The following MYO3B variants were observed in gnomAD, a reference collection of about 807,000 sequenced individuals.
MYO3B encodes the protein myosin-IIIb.
In MYO3B, 156 loss-of-function variants were observed where a neutral mutation model predicts 174.6. The observed-to-expected ratio is 0.89, with a 90% CI of 0.78 to 1.02. The LOEUF (loss-of-function observed/expected upper bound fraction) is 1.02, where lower values mean the gene tolerates loss of function less well. Ranked by LOEUF, MYO3B falls within the 50% of genes least tolerant of loss-of-function variation. The pLI is 0.00. For missense variants in MYO3B, 1,632 were observed against 1,639.4 expected (o/e 1.00, Z 0.08); for synonymous variants, 563 against 569.1 (o/e 0.99, Z 0.15).
At chr2:170,552,664 C>T (rs980402029) in intron 32 of MYO3B, among the ~76,000 whole-genome samples, 2 of 152,136 alleles carry the variant, frequency 1.3e-5, no homozygotes, top group Admixed American at 1.3e-4. Flanking sequence ...TAAAGAAAAA[C>T]ACATTTTCTG....
At chr2:170,202,008 G>A (rs577721461) in intron 3 of MYO3B, among the ~76,000 whole-genome samples, 1 of 152,280 alleles carries the variant, frequency 6.6e-6, no homozygotes, top group Non-Finnish European at 1.5e-5. Context: ...ATGCAACCAG[G>A]CAGGCAGGTG....
intron 22 of MYO3B, among the ~76,000 whole-genome samples, chr2:170,424,542 G>C (rs2094645655): frequency 6.6e-6 from 1 of 152,096 alleles, no homozygotes; most frequent in Non-Finnish European, 1.5e-5. Flanking sequence ...GCTTGAACCA[G>C]GGAGGTGGAG....
At chr2:170,273,374 A>T (rs1261465926) in intron 7 of MYO3B, among the ~76,000 whole-genome samples, 1 of 152,034 alleles carries the variant, frequency 6.6e-6, no homozygotes, top group Non-Finnish European at 1.5e-5. Context: ...ATAAGTCTAG[A>T]ATCCTCCTCT....
chr2:170,481,265 A>G (rs1323423982), intron 25 of MYO3B, among the ~76,000 whole-genome samples: 1 of 152,226 alleles, frequency 6.6e-6, no homozygotes, highest in Non-Finnish European at 1.5e-5. Flanking sequence ...CAGGTAAGCT[A>G]GTACATCTGC....
chr2:170,565,535 C>T (rs984459364), intron 32 of MYO3B, among the ~76,000 whole-genome samples: 2 of 152,162 alleles, frequency 1.3e-5, no homozygotes, highest in South Asian at 4.1e-4. Flanking sequence ...GGTTTTGTTT[C>T]AAATGGCATC....
intron 8 of MYO3B, among the ~76,000 whole-genome samples, chr2:170,366,722 CATTT>C (rs893611911): frequency 2.0e-5 from 3 of 152,140 alleles, no homozygotes; most frequent in African/African-American, 7.2e-5. Context: ...ATTATTCATT[CATTT>C]CTTTTATTCC....
chr2:170,643,018 C>T (rs1329556574), intron 32 of MYO3B, among the ~76,000 whole-genome samples: 1 of 150,294 alleles, frequency 6.7e-6, no homozygotes, highest in East Asian at 1.9e-4. Flanking sequence ...CACAGTAGAA[C>T]CACCCAAAGA....
intron 32 of MYO3B, among the ~76,000 whole-genome samples, chr2:170,575,585 T>G (rs754472674): frequency 2.0e-5 from 3 of 152,202 alleles, no homozygotes; most frequent in Non-Finnish European, 4.4e-5. Context: ...CATTTAAAAA[T>G]GTACAAACCA....
chr2:170,481,076 G>T (rs993904650), intron 25 of MYO3B, among the ~76,000 whole-genome samples: 1 of 152,152 alleles, frequency 6.6e-6, no homozygotes, highest in African/African-American at 2.4e-5. Flanking sequence ...TCTCGAGAAA[G>T]GCTGAATGTC....
intron 9 of MYO3B, among the ~76,000 whole-genome samples, chr2:170,374,173 T>G (rs1363738258): frequency 6.6e-6 from 1 of 152,186 alleles, no homozygotes; most frequent in Non-Finnish European, 1.5e-5. Flanking sequence ...AAGCAGACAT[T>G]ATGGTCTTCT....
intron 7 of MYO3B, among the ~76,000 whole-genome samples, chr2:170,313,071 T>C (rs1158475748): frequency 2.0e-5 from 3 of 152,270 alleles, no homozygotes; most frequent in Admixed American, 6.5e-5. Flanking sequence ...CCCCTTCTTC[T>C]ACTCCCAGTA....
At chr2:170,446,171 T>A (rs924824214) in intron 23 of MYO3B, among the ~76,000 whole-genome samples, 4 of 152,222 alleles carry the variant, frequency 2.6e-5, no homozygotes, top group African/African-American at 9.6e-5. Flanking sequence ...GATATTGACT[T>A]TGGGTTACAA....
At chr2:170,404,614 T>C (rs2094498849) in intron 20 of MYO3B, among the ~76,000 whole-genome samples, 1 of 152,198 alleles carries the variant, frequency 6.6e-6, no homozygotes, top group African/African-American at 2.4e-5. Context: ...CCCACTTTCC[T>C]ATTCTTGCCA....
At chr2:170,375,052 G>A (rs2094281127) in intron 9 of MYO3B, among the ~76,000 whole-genome samples, 1 of 152,144 alleles carries the variant, frequency 6.6e-6, no homozygotes, top group African/African-American at 2.4e-5. Flanking sequence ...CTAAAACTAT[G>A]TGAACAATGG....
chr2:170,557,285 G>A (rs1014853971), intron 32 of MYO3B, among the ~76,000 whole-genome samples: 8 of 152,014 alleles, frequency 5.3e-5, no homozygotes, highest in South Asian at 2.1e-4. Context: ...GACTACAGGC[G>A]CCCACCACCA....
chr2:170,401,804 T>TTTTTC (rs1478993601), intron 18 of MYO3B, 113 bp downstream of exon 18: 18 of 752,138 alleles, frequency 2.4e-5, no homozygotes, highest in Middle Eastern at 4.3e-4. Flanking sequence ...TTCTTTTTCT[T>TTTTTC]TTTTTTTTTT....
At chr2:170,362,274 C>A (rs191393830) in intron 8 of MYO3B, among the ~76,000 whole-genome samples, 99 of 152,294 alleles carry the variant, frequency 6.5e-4, no homozygotes, top group African/African-American at 2.3e-3. Context: ...TGTTCTTTAT[C>A]CCCAAGTTTC....
chr2:170,555,265 A>C (rs1691205909), intron 32 of MYO3B, among the ~76,000 whole-genome samples: 1 of 152,192 alleles, frequency 6.6e-6, no homozygotes, highest in Admixed American at 6.5e-5. Flanking sequence ...TGATGAGCCC[A>C]TATTGATACA....
In MYO3B at chr2:170,457,166, G is replaced by A. The variant is rs77782341; in HGVS notation, c.2731-6202G>A. On this transcript the variant is annotated intron_variant, in intron 23 of 34. Transcript: ENST00000408978. ...CTGGGTGAGTCAGTGAGTGTGTGGC[G>A]AGTGAATATGAAGGCCTGAGACATT... 9.7e-3 allele frequency among the ~76,000 whole-genome samples: 1,478 copies of A among 152,316 alleles called. 30 individuals are homozygous for A. The highest frequency in any genetic ancestry group is 0.033 in the African/African-American group (1,390 of 41,554).
Sources: allele counts gnomAD v4.1 joint callset (sites outside exome capture counted in the v4.1 genomes callset), GRCh38; gene constraint gnomAD v4.1.1; transcripts MANE v1.5; gene names NCBI Gene and HGNC (gene_info 2026-07-23, HGNC 2026-07-21).